Variants in RIPOR2 observed in about 807,000 individuals in gnomAD.
The protein encoded by RIPOR2 is rho family-interacting cell polarization regulator 2.
Under a neutral mutation model 114.5 loss-of-function variants are expected in RIPOR2, and 39 were observed. The observed-to-expected ratio is 0.34, with a 90% CI of 0.26 to 0.44. The LOEUF is 0.44. Ranked by LOEUF, RIPOR2 falls within the 20% of genes least tolerant of loss-of-function variation. The pLI is 1.00. For synonymous variants in RIPOR2, 445 were observed against 484.4 expected (o/e 0.92, Z 1.07); for missense variants, 1,007 against 1,255.1 (o/e 0.80, Z 2.99).
At chr6:24,927,183 G>GTTACCACCACCACCACCACC (rs1561782630) in intron 1 of RIPOR2, among the ~76,000 whole-genome samples, 1 of 3,726 alleles carries the variant, frequency 2.7e-4, no homozygotes, top group African/African-American at 1.6e-3. Context: ...CCACCACCAT[G>GTTACCACCACCACCACCACC]ACCACCACCA....
intron 21 of RIPOR2, among the ~76,000 whole-genome samples, chr6:24,809,052 A>G (rs6456636): frequency 0.75 from 113,424 of 152,088 alleles, 44,452 homozygotes; most frequent in East Asian, 0.88. Flanking sequence ...GAGCCACCAA[A>G]CCCAGCTATT....
intron 15 of RIPOR2, among the ~76,000 whole-genome samples, chr6:24,834,970 A>C (rs937644317): frequency 6.6e-6 from 1 of 152,178 alleles, no homozygotes; most frequent in Non-Finnish European, 1.5e-5. Context: ...TTCCACATAC[A>C]CCCAAGCAAG....
At chr6:24,854,138 A>G (rs1763217435) in intron 8 of RIPOR2, among the ~76,000 whole-genome samples, 2 of 151,816 alleles carry the variant, frequency 1.3e-5, no homozygotes, top group Admixed American at 6.6e-5. Context: ...AAAAAAAAAA[A>G]AAGAAAGAAA....
chr6:24,891,245 G>T (rs1034965113), intron 1 of RIPOR2, among the ~76,000 whole-genome samples: 5 of 152,134 alleles, frequency 3.3e-5, no homozygotes, highest in Non-Finnish European at 7.4e-5. Context: ...AAATTAAACT[G>T]CCATAAAAGG....
chr6:24,917,126 C>T (rs1271295814), intron 1 of RIPOR2, among the ~76,000 whole-genome samples: 1 of 152,016 alleles, frequency 6.6e-6, no homozygotes, highest in African/African-American at 2.4e-5. Context: ...AACAGTTCCC[C>T]CGGCCCTTTT....
chr6:24,973,015 T>A (rs552083277), intron 1 of RIPOR2, among the ~76,000 whole-genome samples: 3 of 152,200 alleles, frequency 2.0e-5, no homozygotes, highest in African/African-American at 7.2e-5. Context: ...CCAGCTCTTT[T>A]AATTATCTAT....
chr6:24,817,996 G>C (rs1759321534), intron 20 of RIPOR2, among the ~76,000 whole-genome samples: 1 of 7,646 alleles, frequency 1.3e-4, no homozygotes, highest in Non-Finnish European at 4.9e-4. Flanking sequence ...TTGAGACAGA[G>C]TCTGGCTCTG....
chr6:24,806,503 A>C (rs2113611423), intron 21 of RIPOR2, 30 bp from the exon 22 acceptor site: 2 of 1,427,374 alleles, frequency 1.4e-6, no homozygotes, highest in Middle Eastern at 3.5e-4. Flanking sequence ...CATGAATACC[A>C]ATTCAAACAA....
At chr6:24,968,725 TGA>T (rs1206917668) in intron 1 of RIPOR2, among the ~76,000 whole-genome samples, 2 of 152,280 alleles carry the variant, frequency 1.3e-5, no homozygotes, top group Non-Finnish European at 2.9e-5. Context: ...TGCAGGACCC[TGA>T]GAGTGAGTCA....
At chr6:24,882,616 A>C (rs1325741807) in intron 1 of RIPOR2, among the ~76,000 whole-genome samples, 1 of 152,224 alleles carries the variant, frequency 6.6e-6, no homozygotes, top group Non-Finnish European at 1.5e-5. Flanking sequence ...GTGTAGGGAG[A>C]AGGAGAGAAG....
intron 1 of RIPOR2, among the ~76,000 whole-genome samples, chr6:25,007,261 C>T (rs998285377): frequency 1.3e-5 from 2 of 152,194 alleles, no homozygotes; most frequent in Non-Finnish European, 2.9e-5. Context: ...TAAGCTGGAT[C>T]TTCTAGTCCA....
At chr6:24,878,156 A>G (rs1765985412) in intron 1 of RIPOR2, among the ~76,000 whole-genome samples, 1 of 152,250 alleles carries the variant, frequency 6.6e-6, no homozygotes, top group Non-Finnish European at 1.5e-5. Context: ...ACGTACTGAC[A>G]TACTGATTCT....
At chr6:24,951,438 AG>A (rs577987899) in intron 1 of RIPOR2, among the ~76,000 whole-genome samples, 5 of 152,218 alleles carry the variant, frequency 3.3e-5, no homozygotes, top group Non-Finnish European at 5.9e-5. Context: ...CTAATGGAAT[AG>A]GGGGTCTTCA....
intron 1 of RIPOR2, among the ~76,000 whole-genome samples, chr6:24,998,059 A>G (rs1775124576): frequency 6.6e-6 from 1 of 152,142 alleles, no homozygotes; most frequent in Non-Finnish European, 1.5e-5. Flanking sequence ...GGCGGTGGGG[A>G]GGGTATTCCA....
At chr6:24,904,929 C>T (rs182840322) in intron 1 of RIPOR2, among the ~76,000 whole-genome samples, 2 of 152,148 alleles carry the variant, frequency 1.3e-5, no homozygotes, top group Admixed American at 6.5e-5. Flanking sequence ...CGTATACCAC[C>T]GTGCCCAGCT....
chr6:24,921,728 C>A (rs1257974051), intron 1 of RIPOR2, among the ~76,000 whole-genome samples: 2 of 150,558 alleles, frequency 1.3e-5, no homozygotes, highest in Non-Finnish European at 3.0e-5. Context: ...TATAACTTCA[C>A]AAGGCTGGGA....
intron 1 of RIPOR2, among the ~76,000 whole-genome samples, chr6:24,942,308 TA>T (rs1772177564): frequency 6.6e-6 from 1 of 152,212 alleles, no homozygotes; most frequent in South Asian, 2.1e-4. Context: ...AATGTATTTT[TA>T]AATAATAATT....
intron 1 of RIPOR2, among the ~76,000 whole-genome samples, chr6:25,017,687 T>G (rs1368761857): frequency 6.6e-6 from 1 of 152,176 alleles, no homozygotes; most frequent in African/African-American, 2.4e-5. Flanking sequence ...GAGGGCCAGG[T>G]TGTGATTCAC....
chr6:24,842,942 C>T lies in RIPOR2; in HGVS notation c.1777G>A (p.Ala593Thr). ...TACTGCTCTTTATGTGGTTCTAATG[C>T]AAGTAAAAGCCCATTAAAAGCATCC... ...LEDAFNGLLLALEPHKEQYKE... is the reference protein window; with the variant it reads ...LEDAFNGLLLTLEPHKEQYKE... Residue 593 changes from alanine (A) to threonine (T), a missense_variant, in exon 13 of 22, where the codon GCA becomes ACA. Transcript: ENST00000643898. The T allele has an allele frequency of 1.3e-6, 2 of 1,521,460 alleles. No homozygotes were observed. Among genetic ancestry groups the T allele is most frequent in the Non-Finnish European group, 1.8e-6 (2 of 1,136,214 alleles). 94.2% of individuals were successfully genotyped at this position (1,521,460 alleles called of 1,614,324 possible).
Sources: gnomAD v4.1 joint callset for allele counts (sites outside exome capture counted in the v4.1 genomes callset) on GRCh38, gnomAD v4.1.1 for gene constraint, MANE v1.5 for transcripts, NCBI Gene and HGNC (gene_info 2026-07-23, HGNC 2026-07-21) for gene names.